The following AGBL1 variants were observed in gnomAD, a reference collection of about 807,000 sequenced individuals.
AGBL1 encodes cytosolic carboxypeptidase 4.
Under a neutral mutation model 118.9 loss-of-function variants are expected in AGBL1, and 130 were observed. That is an observed-to-expected ratio of 1.09 (90% CI 0.95 to 1.26). The LOEUF (loss-of-function observed/expected upper bound fraction) is 1.26, where lower values mean the gene tolerates loss of function less well. AGBL1 is among the 50% of genes most tolerant of loss of function. AGBL1 has a pLI of 0.00. For synonymous variants in AGBL1, 555 were observed against 478.9 expected, an observed-to-expected ratio of 1.16 and a Z score of -2.08; for missense variants, 1,584 against 1,298.1, an observed-to-expected ratio of 1.22 and a Z score of -3.38.
intron 23 of AGBL1, among the ~76,000 whole-genome samples, chr15:86,934,846 A>C (rs2080647625): frequency 6.6e-6 from 1 of 152,186 alleles, no homozygotes; most frequent in Non-Finnish European, 1.5e-5. Context: ...AATAACCTCT[A>C]CATATATTGA....
chr15:86,803,168 T>C (rs1017945886), intron 22 of AGBL1, among the ~76,000 whole-genome samples: 1 of 152,126 alleles, frequency 6.6e-6, no homozygotes, highest in Non-Finnish European at 1.5e-5. Flanking sequence ...TGAAATCTTA[T>C]CTTGAATTCT....
In AGBL1 at chr15:86,230,544, G is replaced by A. The variant is rs549073771; in HGVS notation, c.526+5593G>A. Among the ~76,000 whole-genome samples, 223 of 152,238 alleles carry A rather than the reference G, an allele frequency of 1.5e-3. 1 individual carries two copies. Among genetic ancestry groups the A allele is most frequent in the African/African-American group, 4.9e-3 (205 of 41,532 alleles). The stretch of plus-strand genomic sequence containing the variant: ...GCCTGTGGTCTGCCCTCCTGGCTCC[G>A]GGCTCTGCCCTGCCTTGATGAGAAT... On this transcript the variant is annotated intron_variant, in intron 6 of 22. Transcript: ENST00000614907.
chr15:86,794,656 G>C (rs2078544489), intron 22 of AGBL1, among the ~76,000 whole-genome samples: 2 of 151,944 alleles, frequency 1.3e-5, no homozygotes, highest in Admixed American at 1.3e-4. Flanking sequence ...AAACATGCAG[G>C]GTCTCATGTT....
Position 86,359,049 on chromosome 15 carries a change from C to T in AGBL1, c.2375-38317C>T, listed in dbSNP as rs201519671. 2.0e-4 allele frequency among the ~76,000 whole-genome samples: 31 copies of T among 151,670 alleles called. No individual in the cohort carries two copies. The East Asian group carries it at 2.5e-3, about 12-fold the overall frequency. On this transcript the variant is annotated intron_variant, in intron 17 of 22. Transcript: ENST00000614907. ...TGGTGTAATCCTACTTGTCTATTTT[C>T]GCTTTTGTTGACTGTGCTTTAAGAG...
intron 23 of AGBL1, among the ~76,000 whole-genome samples, chr15:86,951,961 G>T (rs544271248): frequency 6.6e-6 from 1 of 152,086 alleles, no homozygotes; most frequent in Non-Finnish European, 1.5e-5. Context: ...GGCTGGGCAC[G>T]GTGGCTCACG....
At chr15:86,262,057 G>T (rs1029013288) in intron 9 of AGBL1, among the ~76,000 whole-genome samples, 5 of 98,286 alleles carry the variant, frequency 5.1e-5, no homozygotes, top group Non-Finnish European at 8.7e-5. Context: ...ATAATTCACT[G>T]CTAGGCCTAT....
intron 21 of AGBL1, among the ~76,000 whole-genome samples, chr15:86,588,944 A>G (rs1269369311): frequency 6.6e-6 from 1 of 152,298 alleles, no homozygotes; most frequent in Admixed American, 6.5e-5. Context: ...AGATCTAAAG[A>G]ATATTAAACA....
intron 21 of AGBL1, among the ~76,000 whole-genome samples, chr15:86,606,291 A>C (rs2084576720): frequency 6.6e-6 from 1 of 152,146 alleles, no homozygotes; most frequent in Non-Finnish European, 1.5e-5. Context: ...CATTCCTTCC[A>C]CAATCTCCTT....
Position 86,323,990 on chromosome 15 carries a change from G to A in AGBL1, c.2374+28582G>A, listed in dbSNP as rs149428546. ...CCCAGAACCCCAGTTAATGGATGGTGATGTGCACAGAGAAGACTGTCAATA... is the reference window on the plus strand; with the variant it reads ...CCCAGAACCCCAGTTAATGGATGGTAATGTGCACAGAGAAGACTGTCAATA... On this transcript the variant is annotated intron_variant, in intron 17 of 22. Transcript: ENST00000614907. 1.5e-3 allele frequency among the ~76,000 whole-genome samples: 221 copies of A among 152,292 alleles called. 1 individual carries two copies. Among genetic ancestry groups the A allele is most frequent in the African/African-American group, 5.1e-3 (213 of 41,566 alleles).
intron 21 of AGBL1, among the ~76,000 whole-genome samples, chr15:86,621,826 G>A (rs531355109): frequency 6.6e-6 from 1 of 152,264 alleles, no homozygotes; most frequent in East Asian, 1.9e-4. Flanking sequence ...CTAGCATCAT[G>A]GCAGGCATAT....
intron 1 of AGBL1, among the ~76,000 whole-genome samples, chr15:86,136,005 G>A (rs887788238): frequency 6.6e-6 from 1 of 152,178 alleles, no homozygotes; most frequent in Non-Finnish European, 1.5e-5. Flanking sequence ...GGGCATTCTG[G>A]TCACTAGTCC....
rs2080413891 is a variant in AGBL1, at chr15:86,915,744, G to C, written c.*8450G>C. 1 of 152,194 alleles carries C rather than the reference G, an allele frequency of 6.6e-6. No homozygotes were observed. The highest frequency in any genetic ancestry group is 1.5e-5 in the Non-Finnish European group (1 of 68,054). 9.4% of individuals were successfully genotyped at this position (152,194 alleles called of 1,614,324 possible). On this transcript the variant is annotated 3_prime_UTR_variant, in exon 23 of 23. Coordinates refer to ENST00000614907, the MANE Select transcript of AGBL1 (RefSeq NM_001386094.1). ...AGCCTAGCATCGTGCCCAAGATGTG[G>C]TGGGACTTCCATAAATATGTGTTGA...
Position 86,809,489 on chromosome 15 carries a change from T to G in AGBL1, c.3159-97598T>G, listed in dbSNP as rs370290106. On this transcript the variant is annotated intron_variant, in intron 22 of 22. Transcript: ENST00000614907. ...TGTGTCTGGTATTTGTCCCATTCCT[T>G]TATATCTGTGTCCTTTGAAACACAC... Among the ~76,000 whole-genome samples the G allele has an allele frequency of 5.6e-4, 85 of 152,282 alleles. No homozygotes were observed. In the East Asian group the frequency reaches 0.01, roughly 19 times the overall value.
In AGBL1 at chr15:86,079,992, G is replaced by A. The variant is rs1009788661; in HGVS notation, c.20G>A (p.Ser7Asn). ...AAAAGGATGGCCGAACAAGAAGCTA[G>A]TGGGCTACAGGTCCTGCTGCACACG... MAEQEA[S>N]GLQVLLHTLQ... is the part of the protein sequence containing the mutation. The change falls in exon 1 of 23, where the codon AGT (serine) becomes AAT (asparagine). Residue 7 changes from serine to asparagine, a missense_variant. By Grantham distance (46) the Ser-to-Asn change is conservative. Transcript: ENST00000614907. 8.1e-7 allele frequency: 1 copy of A among 1,232,098 alleles called. No homozygotes were observed. Among genetic ancestry groups the A allele is most frequent in the African/African-American group, 1.6e-5 (1 of 64,430 alleles). 76.3% of individuals were successfully genotyped at this position (1,232,098 alleles called of 1,614,324 possible). A position where few individuals can be genotyped will look rare whatever the true frequency, so the allele number is the denominator to read the frequency against.
chr15:86,323,365 C>G (rs2080134936), intron 17 of AGBL1, among the ~76,000 whole-genome samples: 1 of 151,404 alleles, frequency 6.6e-6, no homozygotes. Flanking sequence ...ATGTAAATAA[C>G]CAAATAACAT....
intron 22 of AGBL1, among the ~76,000 whole-genome samples, chr15:86,865,294 G>C (rs968380970): frequency 1.2e-4 from 19 of 152,168 alleles, no homozygotes; most frequent in African/African-American, 4.6e-4. Flanking sequence ...AAATCAAAGA[G>C]GTTATTTGAA....
chr15:86,524,430 A>G (rs1194674865), intron 19 of AGBL1, among the ~76,000 whole-genome samples: 1 of 152,214 alleles, frequency 6.6e-6, no homozygotes, highest in Non-Finnish European at 1.5e-5. Context: ...GACAAGGTAC[A>G]AATTTCCAGG....
At position 86,320,647 on chromosome 15, in the gene AGBL1, ATTG is replaced by A. The variant is rs1258323086; in HGVS notation, c.2374+25242_2374+25244del. 1.6e-4 allele frequency among the ~76,000 whole-genome samples: 24 copies of A among 151,506 alleles called. No homozygotes were observed. In the East Asian group the frequency reaches 4.5e-3, roughly 28 times the overall value. ...ATGCGGTGATAGTGAGTATTTTTGTATTGTTTCTGATCTTCAAAGAAATGCTCT... is the reference window on the plus strand; with the variant it reads ...ATGCGGTGATAGTGAGTATTTTTGTATTTCTGATCTTCAAAGAAATGCTCT... On this transcript the variant is annotated intron_variant, in intron 17 of 22. Transcript: ENST00000614907.
chr15:86,658,673 C>A (rs1389491733), intron 21 of AGBL1, among the ~76,000 whole-genome samples: 1 of 152,134 alleles, frequency 6.6e-6, no homozygotes, highest in Non-Finnish European at 1.5e-5. Context: ...CTCAGGATTG[C>A]AAATCTTATA....
Sources: allele counts gnomAD v4.1 joint callset (sites outside exome capture counted in the v4.1 genomes callset), GRCh38; gene constraint gnomAD v4.1.1; transcripts MANE v1.5; gene names NCBI Gene and HGNC (gene_info 2026-07-23, HGNC 2026-07-21).